JARID2: variants seen among roughly 807,000 people sequenced by gnomAD.
JARID2 encodes protein Jumonji.
Under a neutral mutation model 125.6 loss-of-function variants are expected in JARID2, and 21 were observed. That is an observed-to-expected ratio of 0.17 (90% CI 0.12 to 0.24). The LOEUF is 0.24. Among genes scored for constraint, JARID2 ranks in the 10% least tolerant of loss-of-function variants. The pLI is 1.00. For missense variants in JARID2, 1,303 were observed against 1,639.6 expected (o/e 0.79, Z 3.55); for synonymous variants, 736 against 661.6 (o/e 1.11, Z -1.73).
chr6:15,328,984 T>C (rs747700143), intron 1 of JARID2, among the ~76,000 whole-genome samples: 4 of 152,196 alleles, frequency 2.6e-5, no homozygotes, highest in Admixed American at 6.5e-5. Flanking sequence ...TCTTCAAATG[T>C]AGTATCTTAA....
chr6:15,479,527 GTTC>G (rs1236902370), intron 5 of JARID2, among the ~76,000 whole-genome samples: 3 of 152,302 alleles, frequency 2.0e-5, no homozygotes, highest in South Asian at 2.1e-4. Context: ...CAGAATTTAA[GTTC>G]TTCTATAGAA....
intron 6 of JARID2, among the ~76,000 whole-genome samples, chr6:15,495,750 C>G (rs1326953496): frequency 6.6e-6 from 1 of 152,148 alleles, no homozygotes; most frequent in East Asian, 1.9e-4. Flanking sequence ...TTGCTGTCAT[C>G]AACTCTGAGA....
intron 6 of JARID2, among the ~76,000 whole-genome samples, chr6:15,495,184 T>C (rs1770353865): frequency 6.6e-6 from 1 of 152,208 alleles, no homozygotes; most frequent in South Asian, 2.1e-4. Flanking sequence ...TCATTATTCT[T>C]GTTTGAAGCT....
At chr6:15,349,449 T>C (rs1192098417) in intron 1 of JARID2, among the ~76,000 whole-genome samples, 1 of 152,064 alleles carries the variant, frequency 6.6e-6, no homozygotes, top group Non-Finnish European at 1.5e-5. Context: ...TATTTGCAGG[T>C]TGGAAAATTC....
Position 15,468,650 on chromosome 6 carries a change from A to G in JARID2, c.602A>G (p.Asn201Ser). 2 of 1,614,184 alleles carry G rather than the reference A, an allele frequency of 1.2e-6. No individual in the cohort carries two copies. Among genetic ancestry groups the G allele is most frequent in the Non-Finnish European group, 1.7e-6 (2 of 1,180,006 alleles). ...GAAGACGTCAAAACAGCCACCAACA[A>G]TGCTTCATCTTCATGCCAGTCGACC... ...ETEDVKTATNNASSSCQSTPR... is the reference protein window; with the variant it reads ...ETEDVKTATNSASSSCQSTPR... The change falls in exon 5 of 18, where the codon AAT becomes AGT. Residue 201 changes from asparagine to serine, a missense_variant. Asn to Ser is a conservative substitution (Grantham distance 46, BLOSUM62 1). Around this residue, in one of 11 missense-constraint regions of JARID2, gnomAD observed 651 missense variants for 581.6 expected, o/e 1.12. Coordinates refer to ENST00000341776, the MANE Select transcript of JARID2 (RefSeq NM_004973.4).
intron 1 of JARID2, among the ~76,000 whole-genome samples, chr6:15,338,880 T>G (rs1397060930): frequency 6.6e-6 from 1 of 152,198 alleles, no homozygotes; most frequent in East Asian, 1.9e-4. Flanking sequence ...CAGATGACCC[T>G]GATAAGATAT....
intron 16 of JARID2, among the ~76,000 whole-genome samples, chr6:15,515,133 A>G (rs376945971): frequency 6.6e-6 from 1 of 151,206 alleles, no homozygotes; most frequent in Non-Finnish European, 1.5e-5. Flanking sequence ...TGTAGCCTCA[A>G]CCTCCTGGTC....
intron 4 of JARID2, among the ~76,000 whole-genome samples, chr6:15,465,032 T>C (rs977778101): frequency 6.6e-6 from 1 of 152,218 alleles, no homozygotes; most frequent in African/African-American, 2.4e-5. Context: ...TTCTAATCTT[T>C]CTTCCATTTT....
intron 1 of JARID2, among the ~76,000 whole-genome samples, chr6:15,359,868 G>A (rs781109992): frequency 6.6e-6 from 1 of 152,036 alleles, no homozygotes; most frequent in Non-Finnish European, 1.5e-5. Flanking sequence ...TGTGTTCTTA[G>A]TAGAGATGGC....
intron 1 of JARID2, among the ~76,000 whole-genome samples, chr6:15,290,263 G>A (rs1352815057): frequency 1.3e-5 from 2 of 152,012 alleles, no homozygotes; most frequent in African/African-American, 2.4e-5. Flanking sequence ...ATACTTCATC[G>A]TATGGACATA....
intron 1 of JARID2, among the ~76,000 whole-genome samples, chr6:15,319,263 A>T (rs1472845726): frequency 6.6e-6 from 1 of 152,168 alleles, no homozygotes; most frequent in Non-Finnish European, 1.5e-5. Context: ...TGGTGGACCA[A>T]TGAGAAGCTG....
chr6:15,368,581 C>T, intron 1 of JARID2: 1 of 365,158 alleles, frequency 2.7e-6, no homozygotes, highest in Non-Finnish European at 5.5e-6. Context: ...GAAGTCATCC[C>T]AAGTTGAGTA....
At chr6:15,258,385 A>T (rs1759746928) in intron 1 of JARID2, among the ~76,000 whole-genome samples, 1 of 152,190 alleles carries the variant, frequency 6.6e-6, no homozygotes, top group African/African-American at 2.4e-5. Context: ...TCCAGGTCTC[A>T]GTTTCTTCAT....
intron 2 of JARID2, among the ~76,000 whole-genome samples, chr6:15,374,969 A>C (rs1390771156): frequency 1.3e-5 from 2 of 152,182 alleles, no homozygotes; most frequent in African/African-American, 4.8e-5. Flanking sequence ...GAATGAATTG[A>C]CCATGTTTTT....
intron 1 of JARID2, among the ~76,000 whole-genome samples, chr6:15,292,220 A>C (rs1472290659): frequency 6.6e-6 from 1 of 151,404 alleles, no homozygotes; most frequent in African/African-American, 2.4e-5. Context: ...ACGGGGTTTC[A>C]CTGTGTTAGC....
chr6:15,259,387 A>G (rs1581334451), intron 1 of JARID2, among the ~76,000 whole-genome samples: 1 of 152,328 alleles, frequency 6.6e-6, no homozygotes, highest in African/African-American at 2.4e-5. Context: ...ATAAGGAGTC[A>G]TGGTCTGGAG....
intron 3 of JARID2, among the ~76,000 whole-genome samples, chr6:15,436,085 C>T (rs978658696): frequency 1.3e-5 from 2 of 152,104 alleles, no homozygotes; most frequent in African/African-American, 2.4e-5. Flanking sequence ...ATGTTTACAG[C>T]TGAAGTCCCA....
chr6:15,520,309 T>C lies in JARID2; in HGVS notation c.*58T>C. 1 of 1,297,076 alleles carries C rather than the reference T, an allele frequency of 7.7e-7. No homozygotes were observed. The highest frequency in any genetic ancestry group is 1.0e-6 in the Non-Finnish European group (1 of 964,538). The allele number at this position is 1,297,076 out of a possible 1,614,324, so 80.3% of individuals were successfully genotyped here. A position where few individuals can be genotyped will look rare whatever the true frequency, so the allele number is the denominator to read the frequency against. On this transcript the variant is annotated 3_prime_UTR_variant, in exon 18 of 18. Transcript: ENST00000341776. ...TTTTTTTGTAATTATTATATTCTAG[T>C]TTGGAGTACTTGCTGTAGGATTCAA... is the stretch of plus-strand genomic sequence containing the variant.
chr6:15,491,703 T>G (rs945043557), intron 6 of JARID2, among the ~76,000 whole-genome samples: 1 of 152,218 alleles, frequency 6.6e-6, no homozygotes, highest in Non-Finnish European at 1.5e-5. Context: ...CTGCTCTGCC[T>G]TGGAAGTGCA....
Sources: allele counts gnomAD v4.1 joint callset (sites outside exome capture counted in the v4.1 genomes callset), GRCh38; gene constraint gnomAD v4.1.1; regional missense constraint gnomAD v4.1.1; transcripts MANE v1.5; gene names NCBI Gene and HGNC (gene_info 2026-07-23, HGNC 2026-07-21).